Variants in SYNE3 observed in about 807,000 individuals in gnomAD.
The protein encoded by SYNE3 is nesprin-3.
In SYNE3, 100 loss-of-function variants were observed where a neutral mutation model predicts 111.2. The ratio of observed to expected loss-of-function variants is 0.90; its 90% CI spans 0.77 to 1.06. SYNE3 has a LOEUF of 1.06. SYNE3 is among the 50% of genes least tolerant of loss of function. The pLI is 0.00. For synonymous variants in SYNE3, 547 were observed against 533.9 expected (o/e 1.02, Z -0.34); for missense variants, 1,160 against 1,240.3 (o/e 0.94, Z 0.97).
At chr14:95,508,996 T>C (rs1410871598) in intron 1 of SYNE3, among the ~76,000 whole-genome samples, 1 of 152,266 alleles carries the variant, frequency 6.6e-6, no homozygotes, top group African/African-American at 2.4e-5. Flanking sequence ...AGCCTTTTAA[T>C]TTAATAATAG....
At chr14:95,428,124 C>A (rs1465714136) in intron 17 of SYNE3, among the ~76,000 whole-genome samples, 1 of 152,162 alleles carries the variant, frequency 6.6e-6, no homozygotes, top group Non-Finnish European at 1.5e-5. Flanking sequence ...GAGAAATAAA[C>A]CCACCTCACA....
At chr14:95,446,837 C>T (rs1886748489) in intron 8 of SYNE3, among the ~76,000 whole-genome samples, 1 of 152,222 alleles carries the variant, frequency 6.6e-6, no homozygotes, top group African/African-American at 2.4e-5. Flanking sequence ...TCCCAGCCTA[C>T]AATCACTCTT....
chr14:95,464,142 G>A (rs1888015613), intron 4 of SYNE3, among the ~76,000 whole-genome samples: 2 of 152,206 alleles, frequency 1.3e-5, no homozygotes, highest in South Asian at 2.1e-4. Flanking sequence ...CCCAGGAGAT[G>A]TTCAGTTTCA....
chr14:95,510,961 G>A (rs542610806), intron 1 of SYNE3, among the ~76,000 whole-genome samples: 2 of 152,374 alleles, frequency 1.3e-5, no homozygotes, highest in Middle Eastern at 3.4e-3. Context: ...TCACCCAACT[G>A]TCCTCCACCA....
At chr14:95,433,113 T>C in intron 16 of SYNE3, 147 bp downstream of exon 16, 2 of 1,191,710 alleles carry the variant, frequency 1.7e-6, no homozygotes, top group South Asian at 3.2e-5. Context: ...TGAGTGTCCC[T>C]GTCCTCTGCC....
rs951904080 is a variant in SYNE3, at chr14:95,408,658, G to A, written c.*9168C>T. 5.1e-6 allele frequency: 1 copy of A among 194,448 alleles called. No individual in the cohort carries two copies. The highest frequency in any genetic ancestry group is 1.1e-5 in the Non-Finnish European group (1 of 92,560). The allele number at this position is 194,448 out of a possible 1,614,324, so 12.0% of individuals were successfully genotyped here. A position where few individuals can be genotyped will look rare whatever the true frequency, so the allele number is the denominator to read the frequency against. ...GTTGTGCTTCTGCATGGAGATGTGT[G>A]TAGTACTCACACATGCTATGCTCAC... is the stretch of plus-strand genomic sequence containing the variant. On this transcript the variant is annotated 3_prime_UTR_variant, in exon 18 of 18. Transcript: ENST00000682763.
chr14:95,459,974 G>A (rs1011054726), intron 4 of SYNE3, among the ~76,000 whole-genome samples: 2 of 151,532 alleles, frequency 1.3e-5, no homozygotes, highest in African/African-American at 4.8e-5. Flanking sequence ...AAGGGCGCTT[G>A]TAGTCCCAGC....
At chr14:95,440,234 C>T (rs1231459081) in intron 11 of SYNE3, among the ~76,000 whole-genome samples, 159 bp from the exon 12 acceptor site, 3 of 152,222 alleles carry the variant, frequency 2.0e-5, no homozygotes, top group Non-Finnish European at 4.4e-5. Context: ...TCCCTCCACA[C>T]AGCACAAGGA....
intron 11 of SYNE3, 46 bp downstream of exon 11, chr14:95,443,109 G>A: frequency 3.1e-6 from 5 of 1,607,368 alleles, no homozygotes; most frequent in Non-Finnish European, 4.2e-6. Context: ...TGGATGACAG[G>A]GGCCGGCTCT....
rs536691018 is a variant in SYNE3 at position 95,426,371 on chromosome 14, C to T, written c.2727+5708G>A. 5.9e-5 allele frequency among the ~76,000 whole-genome samples: 9 copies of T among 152,250 alleles called. No individual in the cohort carries two copies. In the South Asian group the frequency reaches 1.7e-3, roughly 28 times the overall value. On this transcript the variant is annotated intron_variant, in intron 17 of 17. Coordinates refer to ENST00000682763, the MANE Select transcript of SYNE3 (RefSeq NM_152592.6). ...CCAGGGAAGAAGCAGATTTGACCTG[C>T]CCCCGGAGTTCCACAGTAAGTCACA...
At chr14:95,492,507 G>C (rs1425808422) in intron 1 of SYNE3, among the ~76,000 whole-genome samples, 1 of 152,224 alleles carries the variant, frequency 6.6e-6, no homozygotes, top group African/African-American at 2.4e-5. Context: ...AAAGAAGCCA[G>C]TCACAAAGGT....
At chr14:95,501,622 A>G (rs1411454973) in intron 1 of SYNE3, among the ~76,000 whole-genome samples, 1 of 152,178 alleles carries the variant, frequency 6.6e-6, no homozygotes, top group East Asian at 1.9e-4. Context: ...CAGGGGCAGG[A>G]GAAACTCCAC....
rs1404637584 is a variant in SYNE3 at position 95,407,430 on chromosome 14, C to G, written c.*10396G>C. On this transcript the variant is annotated 3_prime_UTR_variant, in exon 18 of 18. Transcript: ENST00000682763. Reference sequence around the variant, plus strand: ...ACGTCAATGCAACTTTAAAATATAGCACTAAGAAGAAACTCCGGGGTCCTG... The same window carrying G: ...ACGTCAATGCAACTTTAAAATATAGGACTAAGAAGAAACTCCGGGGTCCTG... 6.6e-6 allele frequency: 1 copy of G among 152,048 alleles called. No homozygotes were observed. The highest frequency in any genetic ancestry group is 2.4e-5 in the African/African-American group (1 of 41,386). 9.4% of individuals were successfully genotyped at this position (152,048 alleles called of 1,614,324 possible). A position where few individuals can be genotyped will look rare whatever the true frequency, so the allele number is the denominator to read the frequency against.
intron 1 of SYNE3, among the ~76,000 whole-genome samples, chr14:95,480,670 CA>C (rs1335361127): frequency 6.6e-6 from 1 of 151,950 alleles, no homozygotes; most frequent in Admixed American, 6.6e-5. Flanking sequence ...TAATTTGAGT[CA>C]TAAAGAAAGC....
intron 4 of SYNE3, among the ~76,000 whole-genome samples, chr14:95,458,292 G>C (rs760769038): frequency 1.3e-5 from 2 of 152,128 alleles, no homozygotes; most frequent in African/African-American, 4.8e-5. Context: ...CAAGACCCTG[G>C]GGTTGGGATC....
Position 95,473,623 on chromosome 14 carries a change from A to G in SYNE3, c.144+2055T>C, listed in dbSNP as rs183142861. ...CAATCAAAGGAGGGCGTGAGCTTGC[A>G]AGGTGTGACAGTGGCTGGAGCTAAG... On this transcript the variant is annotated intron_variant, in intron 2 of 17. Coordinates refer to ENST00000682763, the MANE Select transcript of SYNE3 (RefSeq NM_152592.6). Among the ~76,000 whole-genome samples the G allele has an allele frequency of 1.8e-4, 25 of 141,118 alleles. No individual in the cohort carries two copies. In the East Asian group the frequency reaches 3.4e-3, roughly 19 times the overall value. The allele number at this position is 141,118 out of a possible 152,430, so 92.6% of individuals were successfully genotyped here. A position where few individuals can be genotyped will look rare whatever the true frequency, so the allele number is the denominator to read the frequency against.
At chr14:95,456,675 A>G (rs1887458942) in intron 5 of SYNE3, among the ~76,000 whole-genome samples, 1 of 152,290 alleles carries the variant, frequency 6.6e-6, no homozygotes, top group South Asian at 2.1e-4. Flanking sequence ...AGGGATTTCC[A>G]TAAAGCCTCT....
At position 95,470,578 on chromosome 14, in the gene SYNE3, G is replaced by A. The variant is rs539058067; in HGVS notation, c.145-2611C>T. Among the ~76,000 whole-genome samples, 68 of 152,216 alleles carry A rather than the reference G, an allele frequency of 4.5e-4. No homozygotes were observed. The highest frequency in any genetic ancestry group is 2.7e-3 in the Admixed American group (42 of 15,288). ...AGGCAGGAAGATTGCTTGAGCCCAG[G>A]AGGTTGAGGCTGCAGTGAGCCATGA... On this transcript the variant is annotated intron_variant, in intron 2 of 17. Coordinates refer to ENST00000682763, the MANE Select transcript of SYNE3 (RefSeq NM_152592.6). This position sits in a 1 kb window ranked among gnomAD's most constrained non-coding sequence, Gnocchi z 4.2.
rs375429077 is a variant in SYNE3, at chr14:95,419,099, G to A, written c.2728-1073C>T. Among the ~76,000 whole-genome samples the A allele has an allele frequency of 5.8e-4, 89 of 152,336 alleles. 1 individual carries two copies. The South Asian group carries it at 0.017, about 28-fold the overall frequency. On this transcript the variant is annotated intron_variant, in intron 17 of 17. Transcript: ENST00000682763. ...GCCAAGAAAACATTTCCTAAGTTCT[G>A]GAGGGACTGGCCAGGTTGTGGCTTC...
Sources: gnomAD v4.1 joint callset for allele counts (sites outside exome capture counted in the v4.1 genomes callset) on GRCh38, gnomAD v4.1.1 for gene constraint, Gnocchi (gnomAD v3.1) non-coding constraint, MANE v1.5 for transcripts, NCBI Gene and HGNC (gene_info 2026-07-23, HGNC 2026-07-21) for gene names.